The following CNTN6 variants were observed in gnomAD, a reference collection of about 807,000 sequenced individuals.
CNTN6 encodes contactin 6, also known as contactin-6.
In CNTN6, 137 loss-of-function variants were observed where a neutral mutation model predicts 122.8. The observed-to-expected ratio is 1.12, with a 90% CI of 0.97 to 1.29. The LOEUF (loss-of-function observed/expected upper bound fraction) is 1.29. Ranked by LOEUF, CNTN6 falls within the 50% of genes most tolerant of loss-of-function variation. The pLI is 0.00. For missense variants in CNTN6, 1,634 were observed against 1,223.4 expected, an observed-to-expected ratio of 1.34 and a Z score of -5.01; for synonymous variants, 570 against 426.0, an observed-to-expected ratio of 1.34 and a Z score of -4.16.
At chr3:1,324,561 C>T (rs17037671) in intron 8 of CNTN6, among the ~76,000 whole-genome samples, 1 of 149,594 alleles carries the variant, frequency 6.7e-6, no homozygotes, top group African/African-American at 2.5e-5. Flanking sequence ...CTGCACTACC[C>T]TTAGATGACC....
chr3:1,197,108 C>T (rs1029509274), intron 2 of CNTN6, among the ~76,000 whole-genome samples: 5 of 152,162 alleles, frequency 3.3e-5, no homozygotes, highest in African/African-American at 1.2e-4. Context: ...CTCTTGATTG[C>T]CCACGTTTGC....
intron 2 of CNTN6, among the ~76,000 whole-genome samples, chr3:1,208,752 T>C (rs1303455787): frequency 6.6e-6 from 1 of 152,048 alleles, no homozygotes; most frequent in African/African-American, 2.4e-5. Context: ...AATGGAAATA[T>C]TAAAATCTGC....
intron 1 of CNTN6, among the ~76,000 whole-genome samples, chr3:1,109,046 C>T (rs922219859): frequency 1.3e-5 from 2 of 151,658 alleles, no homozygotes; most frequent in African/African-American, 2.4e-5. Context: ...TTAATTGTGG[C>T]AAAAGAGAAG....
chr3:1,149,045 C>T (rs1480435860), intron 2 of CNTN6, among the ~76,000 whole-genome samples: 4 of 152,080 alleles, frequency 2.6e-5, no homozygotes, highest in Non-Finnish European at 5.9e-5. Flanking sequence ...AAGACAAGTT[C>T]AGCTTTAATA....
chr3:1,108,877 C>T (rs946308204), intron 1 of CNTN6, among the ~76,000 whole-genome samples: 2 of 151,742 alleles, frequency 1.3e-5, no homozygotes, highest in African/African-American at 2.4e-5. Context: ...TGTTAAGGAC[C>T]TACTGTTGAT....
chr3:1,249,768 A>G (rs1225447603), intron 4 of CNTN6, among the ~76,000 whole-genome samples: 2 of 152,202 alleles, frequency 1.3e-5, no homozygotes, highest in African/African-American at 4.8e-5. Context: ...ACAAGCTACT[A>G]GAGTTCTTAG....
chr3:1,158,823 C>CT (rs2093041473), intron 2 of CNTN6, among the ~76,000 whole-genome samples: 2 of 27,104 alleles, frequency 7.4e-5, no homozygotes, highest in Non-Finnish European at 1.8e-4. Flanking sequence ...TATACACACA[C>CT]ATATATATAC....
intron 4 of CNTN6, among the ~76,000 whole-genome samples, chr3:1,275,222 C>G (rs772835370): frequency 6.6e-6 from 1 of 152,146 alleles, no homozygotes; most frequent in African/African-American, 2.4e-5. Flanking sequence ...TGGCCTCACC[C>G]TCCAAACCTT....
Position 1,203,886 on chromosome 3 carries a change from C to T in CNTN6, c.56-16801C>T, listed in dbSNP as rs117370301. ...ACCTTTTCTATGTATAGATATGTTT[C>T]GATACACAAATACTCCCCATTGTGT... On this transcript the variant is annotated intron_variant, in intron 2 of 22. Transcript: ENST00000446702. Among the ~76,000 whole-genome samples the T allele has an allele frequency of 2.0e-3, 297 of 152,218 alleles. 7 individuals carry two copies. In the East Asian group the frequency reaches 0.045, roughly 23 times the overall value.
Position 1,278,397 on chromosome 3 carries a change from T to C in CNTN6, c.359-16T>C. The stretch of plus-strand genomic sequence containing the variant: ...AAAGTAACTAATTATAAATCTGCTT[T>C]TCTTTGTTTTCCAAGATATTGAAGA... On this transcript the variant is annotated splice_polypyrimidine_tract_variant and intron_variant, in intron 4 of 22. Transcript: ENST00000446702. 6.5e-7 allele frequency: 1 copy of C among 1,530,288 alleles called. No individual in the cohort carries two copies. Among genetic ancestry groups the C allele is most frequent in the Non-Finnish European group, 8.9e-7 (1 of 1,118,824 alleles). 94.8% of individuals were successfully genotyped at this position (1,530,288 alleles called of 1,614,324 possible).
chr3:1,345,077 G>T (rs1490214663), intron 11 of CNTN6, among the ~76,000 whole-genome samples: 1 of 151,456 alleles, frequency 6.6e-6, no homozygotes, highest in African/African-American at 2.4e-5. Context: ...CCTGGACAGG[G>T]GTATCAGATG....
At chr3:1,345,405 C>T (rs1173744045) in intron 11 of CNTN6, among the ~76,000 whole-genome samples, 1 of 152,104 alleles carries the variant, frequency 6.6e-6, no homozygotes, top group African/African-American at 2.4e-5. Context: ...CATGAACCAC[C>T]ATGCCCAGCC....
chr3:1,156,170 T>C (rs1486072607), intron 2 of CNTN6, among the ~76,000 whole-genome samples: 1 of 152,226 alleles, frequency 6.6e-6, no homozygotes, highest in Non-Finnish European at 1.5e-5. Flanking sequence ...CCTTATATCA[T>C]TGTGATATTC....
chr3:1,164,525 T>A (rs1385358750), intron 2 of CNTN6, among the ~76,000 whole-genome samples: 1 of 152,246 alleles, frequency 6.6e-6, no homozygotes, highest in Non-Finnish European at 1.5e-5. Flanking sequence ...TTGTCATACA[T>A]GACAGGGGAA....
chr3:1,160,771 A>G (rs1378907691), intron 2 of CNTN6, among the ~76,000 whole-genome samples: 3 of 152,090 alleles, frequency 2.0e-5, no homozygotes, highest in Non-Finnish European at 2.9e-5. Context: ...TCTCTAGTTG[A>G]AAATTACCGA....
chr3:1,324,229 T>C (rs559654127), intron 8 of CNTN6, among the ~76,000 whole-genome samples: 3 of 149,416 alleles, frequency 2.0e-5, no homozygotes, highest in East Asian at 3.9e-4. Context: ...CATCATGATT[T>C]CTTTTACTCG....
At chr3:1,219,127 G>C (rs960220883) in intron 2 of CNTN6, among the ~76,000 whole-genome samples, 1 of 152,158 alleles carries the variant, frequency 6.6e-6, no homozygotes, top group Non-Finnish European at 1.5e-5. Flanking sequence ...AAGTTTAAAT[G>C]TCCAGTGAGG....
chr3:1,334,568 A>G (rs1017571131), intron 11 of CNTN6, among the ~76,000 whole-genome samples: 4 of 152,116 alleles, frequency 2.6e-5, no homozygotes, highest in Non-Finnish European at 5.9e-5. Flanking sequence ...TTATAACTTT[A>G]TATATGTTTT....
intron 12 of CNTN6, 80 bp from the exon 13 acceptor site, chr3:1,372,215 ATGAT>A (rs1490318378): frequency 2.4e-5 from 25 of 1,051,822 alleles, no homozygotes; most frequent in Middle Eastern, 2.2e-4. Context: ...TTTCAAATGA[ATGAT>A]AAAGTATTCA....
Sources: gnomAD v4.1 joint callset for allele counts (sites outside exome capture counted in the v4.1 genomes callset) on GRCh38, gnomAD v4.1.1 for gene constraint, MANE v1.5 for transcripts, NCBI Gene and HGNC (gene_info 2026-07-23, HGNC 2026-07-21) for gene names.